The following SEPTIN3 variants were observed in gnomAD, a reference collection of about 807,000 sequenced individuals.
The protein encoded by SEPTIN3 is septin 3, also known as neuronal-specific septin-3.
In SEPTIN3, 15 loss-of-function variants were observed where a neutral mutation model predicts 45.1. That is an observed-to-expected ratio of 0.33 (90% confidence interval 0.22 to 0.51). The LOEUF (loss-of-function observed/expected upper bound fraction) is 0.51, where lower values mean the gene tolerates loss of function less well. Among genes scored for constraint, SEPTIN3 ranks in the 20% least tolerant of loss-of-function variants. The probability of loss-of-function intolerance (pLI) is 0.97; values close to 1 mark genes in which losing one functional copy is unlikely to be tolerated. For synonymous variants in SEPTIN3, 148 were observed against 164.8 expected, an observed-to-expected ratio of 0.90 and a Z score of 0.78; for missense variants, 289 against 457.2, an observed-to-expected ratio of 0.63 and a Z score of 3.35.
intron 4 of SEPTIN3, 96 bp downstream of exon 4, chr22:41,986,208 A>C: frequency 6.8e-7 from 1 of 1,467,136 alleles, no homozygotes; most frequent in East Asian, 2.4e-5. Flanking sequence ...AAGATCAATA[A>C]AAGGCAACCT....
chr22:41,976,960 C>CCCT lies in SEPTIN3; in HGVS notation c.1504+3966_1504+3967insTCC, dbSNP rs1409151642. On this transcript the variant is annotated intron_variant, in intron 2 of 11. Transcript: ENST00000644076. This position sits in a 1 kb window ranked among gnomAD's most constrained non-coding sequence, Gnocchi z 5.8. ...GGGAGGAGAGCGCGAAGGGGCGAGG[C>CCCT]CCGTTTGCAGGGGCCGCTCGGCCCG... is the stretch of plus-strand genomic sequence containing the variant. 2.1e-5 allele frequency: 24 copies of CCCT among 1,163,926 alleles called. No individual in the cohort carries two copies. The highest frequency in any genetic ancestry group is 3.2e-5 in the African/African-American group (2 of 61,730). The allele number at this position is 1,163,926 out of a possible 1,614,324, so 72.1% of individuals were successfully genotyped here. A position where few individuals can be genotyped will look rare whatever the true frequency, so the allele number is the denominator to read the frequency against.
At chr22:41,995,204 CT>C in intron 11 of SEPTIN3, 1 of 1,011,822 alleles carries the variant, frequency 9.9e-7, no homozygotes, top group Non-Finnish European at 1.2e-6. Context: ...GGCAGTGGAG[CT>C]AGACCTGAGT....
intron 11 of SEPTIN3, chr22:41,996,482 G>A (rs2078440216): frequency 1.0e-6 from 1 of 993,652 alleles, no homozygotes; most frequent in Admixed American, 6.1e-5. Context: ...AAAAAACATA[G>A]ACTCAAGACC....
chr22:41,988,719 G>T (rs2078249912), intron 6 of SEPTIN3, among the ~76,000 whole-genome samples: 1 of 152,136 alleles, frequency 6.6e-6, no homozygotes, highest in South Asian at 2.1e-4. Flanking sequence ...CCTGAGGTAG[G>T]ATGGGGGCAT....
intron 11 of SEPTIN3, chr22:41,995,512 T>TC (rs2078416593): frequency 1.0e-6 from 1 of 985,468 alleles, no homozygotes; most frequent in African/African-American, 1.7e-5. Context: ...TCCCTTTCCC[T>TC]CCTTCCCTCA....
intron 11 of SEPTIN3, chr22:41,996,181 T>A: frequency 1.0e-6 from 1 of 985,396 alleles, no homozygotes; most frequent in Non-Finnish European, 1.2e-6. Context: ...CCCACCGTCA[T>A]ACATTTAGGC....
intron 2 of SEPTIN3, among the ~76,000 whole-genome samples, chr22:41,980,507 A>G (rs2146684237): frequency 6.6e-6 from 1 of 152,226 alleles, no homozygotes; most frequent in African/African-American, 2.4e-5. Context: ...TTTCCATTTT[A>G]TAGAGAGGGA....
In SEPTIN3 at chr22:41,996,652, G is replaced by A. The variant is rs1028056648; in HGVS notation, c.2506-250G>A. The A allele has an allele frequency of 2.7e-5, 35 of 1,309,650 alleles. No homozygotes were observed. The East Asian group carries it at 3.9e-4, about 15-fold the overall frequency. 81.1% of individuals were successfully genotyped at this position (1,309,650 alleles called of 1,614,324 possible). ...CCTGTCAGGACAGAACAGCAGCAGC[G>A]CTACAGCCCAGAGGTTATACATTTC... On this transcript the variant is annotated intron_variant, in intron 11 of 11. Transcript: ENST00000644076.
Position 41,997,024 on chromosome 22 carries a change from G to A in SEPTIN3, c.*57G>A. The A allele has an allele frequency of 6.2e-7, 1 of 1,612,526 alleles. No individual in the cohort carries two copies. The highest frequency in any genetic ancestry group is 8.5e-7 in the Non-Finnish European group (1 of 1,179,460). On this transcript the variant is annotated 3_prime_UTR_variant, in exon 12 of 12. Coordinates refer to ENST00000644076, the MANE Select transcript of SEPTIN3 (RefSeq NM_001363845.2). The stretch of plus-strand genomic sequence containing the variant: ...TCCTCTCAGCTGTTATTGCTGCAGG[G>A]CCAAGCCCTTTTTAGTGCTGTGCTC...
rs2077961249 is a variant in SEPTIN3, at chr22:41,971,715, G to A, written c.223G>A (p.Ala75Thr). The change falls in exon 2 of 12, where the codon GCC (alanine) becomes ACC (threonine). Residue 75 changes from alanine (A) to threonine (T), a missense_variant. Transcript: ENST00000644076. ...PQTSSRLGLG[A>T]RTRSVPPQET... Reference sequence around the variant, plus strand: ...GACCTCCAGCCGGCTGGGCCTTGGAGCCAGGACCCGGAGTGTGCCCCCACA... The same window carrying A: ...GACCTCCAGCCGGCTGGGCCTTGGAACCAGGACCCGGAGTGTGCCCCCACA... 5.0e-6 allele frequency: 2 copies of A among 399,108 alleles called. No homozygotes were observed. Among genetic ancestry groups the A allele is most frequent in the Non-Finnish European group, 8.8e-6 (2 of 226,252 alleles). 24.7% of individuals were successfully genotyped at this position (399,108 alleles called of 1,614,324 possible).
At chr22:41,993,079 G>A (rs746198396) in intron 9 of SEPTIN3, among the ~76,000 whole-genome samples, 13 of 152,166 alleles carry the variant, frequency 8.5e-5, no homozygotes, top group African/African-American at 2.9e-4. Context: ...ACAAACTGCC[G>A]GAGGGTTGTT....
At chr22:41,979,869 C>T (rs2078093376) in intron 2 of SEPTIN3, among the ~76,000 whole-genome samples, 2 of 152,278 alleles carry the variant, frequency 1.3e-5, no homozygotes, top group South Asian at 4.1e-4. Flanking sequence ...CCTCTCCCTC[C>T]CGCCCATCTG....
intron 3 of SEPTIN3, chr22:41,982,333 AC>A (rs2078135202): frequency 1.3e-5 from 2 of 153,974 alleles, no homozygotes; most frequent in African/African-American, 4.9e-5. Flanking sequence ...ACATGGAGAA[AC>A]CCCATCTCTG....
intron 2 of SEPTIN3, among the ~76,000 whole-genome samples, chr22:41,974,152 A>AAG (rs1556242279): frequency 6.6e-6 from 1 of 151,504 alleles, no homozygotes; most frequent in East Asian, 1.9e-4. Context: ...AAAAAAAAAA[A>AAG]AAAAGAAAAG....
intron 11 of SEPTIN3, chr22:41,996,561 G>A (rs926202246): frequency 1.1e-5 from 12 of 1,061,732 alleles, no homozygotes; most frequent in Non-Finnish European, 1.4e-5. Context: ...CTATGCTCTC[G>A]GTCTTTCCTG....
chr22:41,989,549 G>A lies in SEPTIN3; in HGVS notation c.2046-18G>A. ...AGGGCAAGGTGGCTCTGATGATTCT[G>A]CCTTTTCTGTGCCCCAGCTTGCGAC... On this transcript the variant is annotated intron_variant, in intron 6 of 11. Transcript: ENST00000644076. 1 of 1,574,004 alleles carries A rather than the reference G, an allele frequency of 6.4e-7. No individual in the cohort carries two copies. The highest frequency in any genetic ancestry group is 1.3e-5 in the African/African-American group (1 of 74,184).
rs2078017519 is a variant in SEPTIN3, at chr22:41,976,096, T to C, written c.1504+3100T>C. On this transcript the variant is annotated intron_variant, in intron 2 of 11. Transcript: ENST00000644076. The surrounding 1 kb of genome is among the most constrained non-coding windows in gnomAD (Gnocchi z 5.8). ...CCTCTGCTGTCCTCTCTTTGCAGAA[T>C]ACCTCTCCCTTTCCATTCTTCCCTT... 6.6e-6 allele frequency among the ~76,000 whole-genome samples: 1 copy of C among 152,162 alleles called. No homozygotes were observed. Among genetic ancestry groups the C allele is most frequent in the African/African-American group, 2.4e-5 (1 of 41,426 alleles).
intron 2 of SEPTIN3, among the ~76,000 whole-genome samples, chr22:41,975,213 G>T (rs755645002): frequency 4.6e-5 from 7 of 152,174 alleles, no homozygotes; most frequent in Non-Finnish European, 7.3e-5. Flanking sequence ...GAAAGCCTGT[G>T]ACATGCCTAA....
Position 41,987,219 on chromosome 22 carries a change from C to T in SEPTIN3, c.1839C>T (p.Gly613=), listed in dbSNP as rs780018424. ...TTTCACCCCCAGTGATAGAGGAAGG[C>T]GGTGTCAAAATGAAGCTGACCGTCA... ...IKAIGHVIEE[G]GVKMKLTVID... The change falls in exon 5 of 12, where the codon GGC becomes GGT. Residue 613 remains glycine (G), a synonymous_variant. Coordinates refer to ENST00000644076, the MANE Select transcript of SEPTIN3 (RefSeq NM_001363845.2). The T allele has an allele frequency of 2.9e-5, 46 of 1,613,148 alleles. No homozygotes were observed. The highest frequency in any genetic ancestry group is 9.9e-5 in the South Asian group (9 of 91,042).
Sources: allele counts gnomAD v4.1 joint callset (sites outside exome capture counted in the v4.1 genomes callset), GRCh38; gene constraint gnomAD v4.1.1; non-coding constraint Gnocchi (gnomAD v3.1); transcripts MANE v1.5; gene names NCBI Gene and HGNC (gene_info 2026-07-23, HGNC 2026-07-21).